BTBD9: variants seen among roughly 807,000 people sequenced by gnomAD.
The protein encoded by BTBD9 is BTB/POZ domain-containing protein 9.
A neutral mutation model predicts 64.3 loss-of-function variants in BTBD9; 49 were observed. The observed-to-expected ratio is 0.76, with a 90% CI of 0.61 to 0.97. The LOEUF is 0.97. Ranked by LOEUF, BTBD9 falls within the 50% of genes least tolerant of loss-of-function variation. BTBD9 has a pLI of 0.00. For missense variants in BTBD9, 598 were observed against 762.1 expected (o/e 0.78, Z 2.53); for synonymous variants, 260 against 274.7 (o/e 0.95, Z 0.53).
intron 1 of BTBD9, chr6:38,612,857 T>C (rs576187407): frequency 6.6e-6 from 1 of 152,318 alleles, no homozygotes; most frequent in East Asian, 1.9e-4. Flanking sequence ...AATTGCCTTA[T>C]CTGCTGATTT....
In BTBD9 at chr6:38,553,946, C is replaced by T. The variant is rs77411706; in HGVS notation, c.1154+23654G>A. Among the ~76,000 whole-genome samples, 1,185 of 152,020 alleles carry T rather than the reference C, an allele frequency of 7.8e-3. 17 individuals are homozygous for T. Among genetic ancestry groups the T allele is most frequent in the African/African-American group, 0.027 (1,112 of 41,458 alleles). ...TTTCTATATATTTTTTCATACTGGACACATGAAAGACATTAAACAAAACAC... is the reference window on the plus strand; with the variant it reads ...TTTCTATATATTTTTTCATACTGGATACATGAAAGACATTAAACAAAACAC... On this transcript the variant is annotated intron_variant, in intron 6 of 10. Transcript: ENST00000481247.
intron 6 of BTBD9, among the ~76,000 whole-genome samples, chr6:38,545,855 TACACACACACACAC>T (rs34465570): frequency 0.016 from 2,084 of 130,618 alleles, 38 homozygotes; most frequent in African/African-American, 0.049. Flanking sequence ...CACACACACA[TACACACACACACAC>T]ACACACACAC....
At chr6:38,376,381 G>A (rs1187801646) in intron 6 of BTBD9, among the ~76,000 whole-genome samples, 1 of 151,888 alleles carries the variant, frequency 6.6e-6, no homozygotes, top group Non-Finnish European at 1.5e-5. Context: ...AGGAAACAGG[G>A]AATTGAGAAA....
At chr6:38,418,695 G>A (rs184702307) in intron 6 of BTBD9, among the ~76,000 whole-genome samples, 25 of 152,120 alleles carry the variant, frequency 1.6e-4, no homozygotes, top group Non-Finnish European at 2.5e-4. Flanking sequence ...GCTATACTGT[G>A]TATCCGTTTG....
intron 2 of BTBD9, chr6:38,595,879 C>T (rs1777011596): frequency 4.1e-6 from 4 of 985,146 alleles, no homozygotes; most frequent in Admixed American, 6.2e-5. Context: ...TTCTCCTTCT[C>T]GGGGAGACCT....
intron 8 of BTBD9, 128 bp from the exon 9 acceptor site, chr6:38,256,644 A>C: frequency 1.6e-6 from 1 of 624,150 alleles, no homozygotes; most frequent in Non-Finnish European, 2.8e-6. Context: ...AAGAAGGTGA[A>C]TCCCAAAAAA....
chr6:38,427,225 C>T lies in BTBD9; in HGVS notation c.1155-82132G>A, dbSNP rs1768207009. The stretch of plus-strand genomic sequence containing the variant: ...TGATGCCATGCTGAGTATGGTGGCT[C>T]CCACCTATAATCTCAGCTATTCAGG... On this transcript the variant is annotated intron_variant, in intron 6 of 10. Coordinates refer to ENST00000481247, the MANE Select transcript of BTBD9 (RefSeq NM_001099272.2). Among the ~76,000 whole-genome samples the T allele has an allele frequency of 1.3e-5, 2 of 151,604 alleles. 1 individual carries two copies. Among genetic ancestry groups the T allele is most frequent in the African/African-American group, 4.9e-5 (2 of 41,062 alleles).
At chr6:38,386,404 G>A (rs1766170904) in intron 6 of BTBD9, among the ~76,000 whole-genome samples, 2 of 152,082 alleles carry the variant, frequency 1.3e-5, no homozygotes, top group South Asian at 4.1e-4. Flanking sequence ...AAAGAAATGT[G>A]AGATGCTCCA....
chr6:38,634,416 TTTTGC>T (rs1368065554), intron 1 of BTBD9, among the ~76,000 whole-genome samples: 1 of 152,186 alleles, frequency 6.6e-6, no homozygotes. Flanking sequence ...TTCCTGTGGG[TTTTGC>T]TCATTTCACC....
chr6:38,577,557 TTATATAAGAA>T, intron 6 of BTBD9, 33 bp downstream of exon 6: 9 of 1,567,088 alleles, frequency 5.7e-6, no homozygotes, highest in Non-Finnish European at 7.7e-6. Flanking sequence ...CCAAATCTCC[TTATATAAGAA>T]TAAAAATCAT....
intron 6 of BTBD9, among the ~76,000 whole-genome samples, chr6:38,455,565 T>C (rs779789890): frequency 6.6e-6 from 1 of 152,268 alleles, no homozygotes; most frequent in Non-Finnish European, 1.5e-5. Context: ...ACATCTGAGA[T>C]ACATACATGC....
intron 6 of BTBD9, among the ~76,000 whole-genome samples, chr6:38,347,456 T>C (rs1284596701): frequency 1.3e-5 from 2 of 152,308 alleles, no homozygotes; most frequent in Non-Finnish European, 2.9e-5. Flanking sequence ...AGTTTAATTA[T>C]TCTAGTTCTA....
At chr6:38,526,099 C>T (rs1773473872) in intron 6 of BTBD9, among the ~76,000 whole-genome samples, 1 of 152,228 alleles carries the variant, frequency 6.6e-6, no homozygotes, top group Non-Finnish European at 1.5e-5. Context: ...CCATCACAGA[C>T]CTGGATACCC....
At chr6:38,208,431 G>A (rs1762727125) in intron 9 of BTBD9, among the ~76,000 whole-genome samples, 2 of 152,066 alleles carry the variant, frequency 1.3e-5, no homozygotes, top group Non-Finnish European at 2.9e-5. Context: ...TCTATGGACT[G>A]GGGATATGAG....
intron 6 of BTBD9, among the ~76,000 whole-genome samples, chr6:38,435,969 CAG>C (rs1489105145): frequency 2.0e-5 from 3 of 151,490 alleles, no homozygotes; most frequent in African/African-American, 7.3e-5. Flanking sequence ...TCACCCAGCC[CAG>C]AGAGTATACT....
At chr6:38,249,935 A>G (rs1764335691) in intron 9 of BTBD9, among the ~76,000 whole-genome samples, 1 of 152,210 alleles carries the variant, frequency 6.6e-6, no homozygotes, top group East Asian at 1.9e-4. Context: ...AAGCCCAATT[A>G]CAAAAGTCTC....
intron 1 of BTBD9, among the ~76,000 whole-genome samples, chr6:38,638,783 A>C (rs9369073): frequency 0.073 from 11,142 of 152,238 alleles, 983 homozygotes; most frequent in East Asian, 0.23. Flanking sequence ...TGGTTCTACA[A>C]ATTGCCTTAA....
At chr6:38,498,543 G>C (rs990311888) in intron 6 of BTBD9, among the ~76,000 whole-genome samples, 2 of 150,824 alleles carry the variant, frequency 1.3e-5, no homozygotes, top group Admixed American at 1.3e-4. Flanking sequence ...TGGCTCAGAA[G>C]TGTCCTGTAT....
chr6:38,591,924 C>T (rs1776810629), intron 4 of BTBD9, among the ~76,000 whole-genome samples: 1 of 152,026 alleles, frequency 6.6e-6, no homozygotes, highest in African/African-American at 2.4e-5. Flanking sequence ...GTGGCTCATG[C>T]CTGTAATCCC....
Sources: gnomAD v4.1 joint callset for allele counts (sites outside exome capture counted in the v4.1 genomes callset) on GRCh38, gnomAD v4.1.1 for gene constraint, MANE v1.5 for transcripts, NCBI Gene and HGNC (gene_info 2026-07-23, HGNC 2026-07-21) for gene names.